Variants in TULP3 observed in about 807,000 individuals in gnomAD.
The protein encoded by TULP3 is tubby-related protein 3.
Under a neutral mutation model 50.7 loss-of-function variants are expected in TULP3, and 38 were observed. That is an observed-to-expected ratio of 0.75 (90% CI 0.58 to 0.98). The LOEUF (loss-of-function observed/expected upper bound fraction) is 0.98. Ranked by LOEUF, TULP3 falls within the 50% of genes least tolerant of loss-of-function variation. TULP3 has a pLI of 0.00. For synonymous variants in TULP3, 183 were observed against 196.6 expected, an observed-to-expected ratio of 0.93 and a Z score of 0.58; for missense variants, 550 against 568.0, an observed-to-expected ratio of 0.97 and a Z score of 0.32.
Position 2,937,663 on chromosome 12 carries a change from G to A in TULP3, c.957G>A (p.Arg319=). ...ETNVLGFKGP[R]KMSVIIPGMT... Reference sequence around the variant, plus strand: ...ACGTACTTGGATTTAAAGGTCCTAGGAAAATGTCTGTGATCATTCCTGGAA... The same window carrying A: ...ACGTACTTGGATTTAAAGGTCCTAGAAAAATGTCTGTGATCATTCCTGGAA... Residue 319 remains arginine (R), a synonymous_variant, in exon 9 of 11, where the codon AGG becomes AGA. Transcript: ENST00000448120. 6.2e-7 allele frequency: 1 copy of A among 1,613,056 alleles called. No individual in the cohort carries two copies. Among genetic ancestry groups the A allele is most frequent in the East Asian group, 2.2e-5 (1 of 44,868 alleles).
intron 1 of TULP3, among the ~76,000 whole-genome samples, chr12:2,898,724 A>C (rs142899501): frequency 8.5e-5 from 13 of 152,266 alleles, no homozygotes; most frequent in African/African-American, 3.1e-4. Flanking sequence ...CTATGTGCCC[A>C]GGCTGAGTGC....
intron 1 of TULP3, among the ~76,000 whole-genome samples, chr12:2,904,032 T>C (rs944340646): frequency 6.6e-6 from 1 of 152,170 alleles, no homozygotes; most frequent in Non-Finnish European, 1.5e-5. Flanking sequence ...TCCGCCCGCC[T>C]TGGCCTCCCA....
intron 1 of TULP3, among the ~76,000 whole-genome samples, chr12:2,894,131 C>T (rs1238312304): frequency 6.6e-6 from 1 of 152,082 alleles, no homozygotes; most frequent in Non-Finnish European, 1.5e-5. Flanking sequence ...TGAAGGCGTG[C>T]TTCCCACTGT....
chr12:2,907,794 A>G (rs1311210130), intron 1 of TULP3, among the ~76,000 whole-genome samples: 1 of 152,178 alleles, frequency 6.6e-6, no homozygotes, highest in African/African-American at 2.4e-5. Flanking sequence ...ATGACTGCAG[A>G]TAAAAAACAT....
intron 4 of TULP3, among the ~76,000 whole-genome samples, chr12:2,929,182 T>G (rs2098196385): frequency 6.6e-6 from 1 of 151,852 alleles, no homozygotes; most frequent in South Asian, 2.1e-4. Flanking sequence ...CCGGGCATGG[T>G]GGCGCGCGCC....
chr12:2,911,869 G>T (rs1345304282), intron 2 of TULP3, among the ~76,000 whole-genome samples: 1 of 151,518 alleles, frequency 6.6e-6, no homozygotes. Flanking sequence ...TGCACCTGTA[G>T]TTCCAGCTGC....
At chr12:2,894,403 G>A (rs1450507088) in intron 1 of TULP3, among the ~76,000 whole-genome samples, 1 of 151,972 alleles carries the variant, frequency 6.6e-6, no homozygotes. Context: ...AGGCATGGTG[G>A]CAGGTGCCTA....
chr12:2,899,689 C>G (rs987465692), intron 1 of TULP3, among the ~76,000 whole-genome samples: 1 of 151,774 alleles, frequency 6.6e-6, no homozygotes, highest in Non-Finnish European at 1.5e-5. Context: ...GTCAGAAGTT[C>G]GAGACCATCC....
intron 6 of TULP3, among the ~76,000 whole-genome samples, chr12:2,932,911 A>G (rs1452451245): frequency 6.6e-6 from 1 of 152,034 alleles, no homozygotes; most frequent in East Asian, 1.9e-4. Flanking sequence ...CTGTATAGGA[A>G]GAAAACCCTG....
At chr12:2,906,538 A>G (rs2098182351) in intron 1 of TULP3, among the ~76,000 whole-genome samples, 1 of 150,072 alleles carries the variant, frequency 6.7e-6, no homozygotes, top group South Asian at 2.2e-4. Flanking sequence ...CATGTTGGCC[A>G]GGCTGGTCTC....
intron 1 of TULP3, among the ~76,000 whole-genome samples, chr12:2,907,475 C>CAA (rs60356460): frequency 2.3e-4 from 22 of 95,798 alleles, no homozygotes; most frequent in East Asian, 6.4e-4. Context: ...ACTCCGTCTC[C>CAA]AAAAAAAAAA....
At position 2,933,430 on chromosome 12, in the gene TULP3, G is replaced by T. The variant is rs762869650; in HGVS notation, c.709G>T (p.Ala237Ser). 1.9e-6 allele frequency: 3 copies of T among 1,611,978 alleles called. No individual in the cohort carries two copies. The South Asian group carries it at 3.3e-5, about 18-fold the overall frequency. Residue 237 changes from alanine to serine, a missense_variant, in exon 7 of 11, where the codon GCA becomes TCA. Coordinates refer to ENST00000448120, the MANE Select transcript of TULP3 (RefSeq NM_003324.5). ...KEENQKIFLL[A>S]ARKRKKSKTA... ...TTTCTTTTCCCAGATATTTCTTCTT[G>T]CAGCTAGAAAGCGGAAAAAGAGCAA...
chr12:2,903,956 G>A (rs552049193), intron 1 of TULP3, among the ~76,000 whole-genome samples: 1 of 151,900 alleles, frequency 6.6e-6, no homozygotes, highest in South Asian at 2.1e-4. Flanking sequence ...GCTAATTTTT[G>A]TATCTTTAGC....
chr12:2,910,741 A>T (rs2153948870), intron 2 of TULP3, among the ~76,000 whole-genome samples: 1 of 152,288 alleles, frequency 6.6e-6, no homozygotes, highest in East Asian at 1.9e-4. Flanking sequence ...TTAAAGGTGG[A>T]ATTACTGAAA....
At chr12:2,891,123 G>GAT in intron 1 of TULP3, 135 bp downstream of exon 1, 3 of 1,020,454 alleles carry the variant, frequency 2.9e-6, no homozygotes, top group South Asian at 2.2e-5. Flanking sequence ...GACTGGTTTC[G>GAT]GCGGCGGGAG....
At chr12:2,916,446 A>G (rs2098188764) in intron 2 of TULP3, among the ~76,000 whole-genome samples, 1 of 152,206 alleles carries the variant, frequency 6.6e-6, no homozygotes, top group African/African-American at 2.4e-5. Flanking sequence ...TTGGGAAGAT[A>G]GATTCTTTTA....
At chr12:2,930,965 C>G (rs759742357) in intron 5 of TULP3, 72 bp from the exon 6 acceptor site, 2 of 1,540,030 alleles carry the variant, frequency 1.3e-6, no homozygotes, top group Admixed American at 3.3e-5. Context: ...GCTTTGTCCA[C>G]TAAGTGTTTT....
intron 4 of TULP3, among the ~76,000 whole-genome samples, chr12:2,929,147 T>G (rs2098196344): frequency 1.3e-5 from 2 of 151,012 alleles, no homozygotes; most frequent in African/African-American, 2.4e-5. Context: ...TGAAACCCCG[T>G]CTCTACTAAA....
rs928038296 is a variant in TULP3, at chr12:2,929,289, C to G, written c.395-959C>G. On this transcript the variant is annotated intron_variant, in intron 4 of 10. Transcript: ENST00000448120. The stretch of plus-strand genomic sequence containing the variant: ...TCGAGATCGCGCCACTGCGCTCCAG[C>G]CTGGGCGACAGAGCGAGACTCCGTC... Among the ~76,000 whole-genome samples the G allele has an allele frequency of 1.1e-4, 16 of 152,088 alleles. 1 individual carries two copies. The highest frequency in any genetic ancestry group is 3.9e-4 in the African/African-American group (16 of 41,432).
Sources: allele counts gnomAD v4.1 joint callset (sites outside exome capture counted in the v4.1 genomes callset), GRCh38; gene constraint gnomAD v4.1.1; transcripts MANE v1.5; gene names NCBI Gene and HGNC (gene_info 2026-07-23, HGNC 2026-07-21).